The following CDK13 variants were observed in gnomAD, a reference collection of about 807,000 sequenced individuals.
The protein encoded by CDK13 is cyclin dependent kinase 13, also known as cyclin-dependent kinase 13.
In CDK13, 40 loss-of-function variants were observed where a neutral mutation model predicts 137.6. The observed-to-expected ratio is 0.29, with a 90% CI of 0.23 to 0.38. The LOEUF (loss-of-function observed/expected upper bound fraction) is 0.38. Ranked by LOEUF, CDK13 falls within the 10% of genes least tolerant of loss-of-function variation. The pLI is 1.00. For synonymous variants in CDK13, 869 were observed against 760.1 expected, an observed-to-expected ratio of 1.14 and a Z score of -2.36; for missense variants, 1,704 against 1,951.8, an observed-to-expected ratio of 0.87 and a Z score of 2.39.
At chr7:40,088,564 C>T (rs371610413) in intron 12 of CDK13, among the ~76,000 whole-genome samples, 2 of 152,086 alleles carry the variant, frequency 1.3e-5, no homozygotes, top group Admixed American at 6.6e-5. Flanking sequence ...GGCAAGTCCT[C>T]GGATTTCTGT....
chr7:39,996,970 A>AAG (rs1784574588), intron 2 of CDK13, among the ~76,000 whole-genome samples: 1 of 149,748 alleles, frequency 6.7e-6, no homozygotes, highest in East Asian at 2.0e-4. Flanking sequence ...TCAAAAAAAA[A>AAG]AAAAAAGAAA....
intron 5 of CDK13, among the ~76,000 whole-genome samples, chr7:40,017,497 A>G (rs1385100273): frequency 1.3e-5 from 2 of 152,126 alleles, no homozygotes; most frequent in African/African-American, 4.8e-5. Flanking sequence ...GATAAGAGAA[A>G]GTAATACCTT....
At chr7:40,074,925 A>G (rs1276124833) in intron 9 of CDK13, among the ~76,000 whole-genome samples, 2 of 152,196 alleles carry the variant, frequency 1.3e-5, no homozygotes, top group South Asian at 4.1e-4. Context: ...AAAGAAATAG[A>G]AACACTAATT....
intron 5 of CDK13, among the ~76,000 whole-genome samples, chr7:40,012,037 A>G (rs889872449): frequency 2.0e-5 from 3 of 152,210 alleles, no homozygotes; most frequent in Non-Finnish European, 2.9e-5. Flanking sequence ...AAGATGTTCA[A>G]CAACTTAGTT....
At chr7:39,965,486 C>G (rs978238879) in intron 1 of CDK13, among the ~76,000 whole-genome samples, 6 of 152,132 alleles carry the variant, frequency 3.9e-5, no homozygotes, top group African/African-American at 1.4e-4. Flanking sequence ...CTTCCTCCAT[C>G]TCTTTATTTT....
chr7:39,950,533 G>A lies in CDK13; in HGVS notation c.-109G>A. On this transcript the variant is annotated 5_prime_UTR_variant, in exon 1 of 14. It adds an upstream start codon to the 5' untranslated region. Transcript: ENST00000181839. ...GTGGCGCTTTTCCCGGCCGGCTCTGGTGCTCGGTGTCCCTCCGCCGCCGCT... is the reference window on the plus strand; with the variant it reads ...GTGGCGCTTTTCCCGGCCGGCTCTGATGCTCGGTGTCCCTCCGCCGCCGCT... 5.5e-6 allele frequency: 7 copies of A among 1,269,640 alleles called. No individual in the cohort carries two copies. In the South Asian group the frequency reaches 1.9e-4, roughly 34 times the overall value. 78.6% of individuals were successfully genotyped at this position (1,269,640 alleles called of 1,614,324 possible).
intron 5 of CDK13, 82 bp downstream of exon 5, chr7:40,002,113 CTATT>C: frequency 1.1e-6 from 1 of 874,300 alleles, no homozygotes; most frequent in Non-Finnish European, 1.8e-6. Context: ...ATAGATGTGA[CTATT>C]TGAGTAATTA....
Position 39,951,157 on chromosome 7 carries a change from G to T in CDK13, c.516G>T (p.Gly172=), listed in dbSNP as rs1263377058. 22 of 1,242,538 alleles carry T rather than the reference G, an allele frequency of 1.8e-5. No individual in the cohort carries two copies. The highest frequency in any genetic ancestry group is 2.0e-5 in the Non-Finnish European group (20 of 994,926). 77.0% of individuals were successfully genotyped at this position (1,242,538 alleles called of 1,614,324 possible). Residue 172 remains glycine, a synonymous_variant, in exon 1 of 14, where the codon GGG becomes GGT. Coordinates refer to ENST00000181839, the MANE Select transcript of CDK13 (RefSeq NM_003718.5). The part of the protein sequence containing the change: ...ASAATAATAA[G]GTGGSGGSPA... ...CGGCAACGGCGGCGACGGCTGCCGGGGGAACGGGGGGCAGCGGCGGGAGTC... is the reference window on the plus strand; with the variant it reads ...CGGCAACGGCGGCGACGGCTGCCGGTGGAACGGGGGGCAGCGGCGGGAGTC...
At chr7:39,989,149 T>A (rs1001889750) in intron 2 of CDK13, among the ~76,000 whole-genome samples, 3 of 147,418 alleles carry the variant, frequency 2.0e-5, no homozygotes, top group East Asian at 3.9e-4. Flanking sequence ...TCCTTTAAGA[T>A]GTTTAAAAAT....
chr7:40,052,663 G>A (rs906565375), intron 7 of CDK13, among the ~76,000 whole-genome samples: 2 of 152,128 alleles, frequency 1.3e-5, no homozygotes, highest in Admixed American at 1.3e-4. Context: ...TTTGAAGGCA[G>A]TATCGCCATC....
intron 1 of CDK13, among the ~76,000 whole-genome samples, chr7:39,973,741 C>T (rs1388011655): frequency 4.6e-5 from 7 of 152,100 alleles, no homozygotes; most frequent in Non-Finnish European, 1.0e-4. Context: ...TACTTTGATC[C>T]ATTTTCAGTT....
chr7:40,006,612 C>T (rs1784800750), intron 5 of CDK13, among the ~76,000 whole-genome samples: 1 of 152,016 alleles, frequency 6.6e-6, no homozygotes, highest in Non-Finnish European at 1.5e-5. Flanking sequence ...TCAGGAGTTC[C>T]AGACCAGCCT....
At chr7:39,976,323 TCACACACACACACA>T (rs764395925) in intron 1 of CDK13, among the ~76,000 whole-genome samples, 2 of 39,584 alleles carry the variant, frequency 5.1e-5, no homozygotes, top group South Asian at 1.2e-3. Context: ...TCTCTCTCTC[TCACACACACACACA>T]CACACACACA....
At position 40,095,641 on chromosome 7, in the gene CDK13, A is replaced by T. The variant is rs185503426; in HGVS notation, c.*661A>T. 1 of 152,200 alleles carries T rather than the reference A, an allele frequency of 6.6e-6. No homozygotes were observed. The highest frequency in any genetic ancestry group is 1.5e-5 in the Non-Finnish European group (1 of 68,036). 9.4% of individuals were successfully genotyped at this position (152,200 alleles called of 1,614,324 possible). A position where few individuals can be genotyped will look rare whatever the true frequency, so the allele number is the denominator to read the frequency against. ...AAATGAAATAGTGGGTTTTATATGA[A>T]AACTATGGGTGGGGTGGGGAGGGAA... On this transcript the variant is annotated 3_prime_UTR_variant, in exon 14 of 14. Transcript: ENST00000181839.
intron 9 of CDK13, chr7:40,072,797 A>G (rs1353732548): frequency 6.6e-6 from 1 of 152,200 alleles, no homozygotes; most frequent in Non-Finnish European, 1.5e-5. Context: ...TTAGGCTTGG[A>G]TGGTATTCTT....
At position 39,951,564 on chromosome 7, in the gene CDK13, A is replaced by G. The variant is rs757987582; in HGVS notation, c.923A>G (p.Lys308Arg). The change falls in exon 1 of 14, where the codon AAG (lysine) becomes AGG (arginine). Residue 308 changes from lysine (K) to arginine (R), a missense_variant. By Grantham distance (26) the Lys-to-Arg change is conservative. This residue lies in a region of CDK13 where 1,051 missense variants were observed against 931.0 expected (regional missense o/e 1.13). Coordinates refer to ENST00000181839, the MANE Select transcript of CDK13 (RefSeq NM_003718.5). ...KAYREDKTEP[K>R]AYRRRRSLSP... ...TACCGGGAGGACAAGACCGAGCCTA[A>G]GGCCTACAGGCGGCGGCGGTCCCTC... 1 of 1,524,124 alleles carries G rather than the reference A, an allele frequency of 6.6e-7. No individual in the cohort carries two copies. The highest frequency in any genetic ancestry group is 1.2e-5 in the South Asian group (1 of 81,324). The allele number at this position is 1,524,124 out of a possible 1,614,324, so 94.4% of individuals were successfully genotyped here.
chr7:40,022,357 C>T (rs866482121), intron 5 of CDK13, among the ~76,000 whole-genome samples: 4 of 152,126 alleles, frequency 2.6e-5, no homozygotes, highest in East Asian at 1.9e-4. Flanking sequence ...CTGATACTAA[C>T]GAGAAATGGA....
intron 1 of CDK13, among the ~76,000 whole-genome samples, chr7:39,982,130 G>C (rs1445287799): frequency 6.7e-6 from 1 of 149,574 alleles, no homozygotes; most frequent in Admixed American, 6.7e-5. Flanking sequence ...TCGTCATTTA[G>C]CATTAGGTAT....
intron 1 of CDK13, among the ~76,000 whole-genome samples, chr7:39,961,632 TTC>T (rs750646697): frequency 9.1e-5 from 10 of 109,824 alleles, no homozygotes; most frequent in Admixed American, 4.2e-4. Context: ...CATAATTTAC[TTC>T]TTTTTTTTTT....
Sources: allele counts gnomAD v4.1 joint callset (sites outside exome capture counted in the v4.1 genomes callset), GRCh38; gene constraint gnomAD v4.1.1; regional missense constraint gnomAD v4.1.1; transcripts MANE v1.5; gene names NCBI Gene and HGNC (gene_info 2026-07-23, HGNC 2026-07-21).